Variants in GPD1L observed in about 807,000 individuals in gnomAD.
GPD1L encodes glycerol-3-phosphate dehydrogenase 1 like.
In GPD1L, 17 loss-of-function variants were observed where a neutral mutation model predicts 32.9. The ratio of observed to expected loss-of-function variants is 0.52; its 90% CI spans 0.35 to 0.78. GPD1L has a LOEUF of 0.78. Ranked by LOEUF, GPD1L falls within the 30% of genes least tolerant of loss-of-function variation. GPD1L has a pLI of 0.01. For synonymous variants in GPD1L, 187 were observed against 165.9 expected (o/e 1.13, Z -0.98); for missense variants, 361 against 447.8 (o/e 0.81, Z 1.75).
chr3:32,139,169 A>G (rs1039312363), intron 3 of GPD1L, among the ~76,000 whole-genome samples: 1 of 152,206 alleles, frequency 6.6e-6, no homozygotes, highest in Admixed American at 6.5e-5. Flanking sequence ...GTGGAAAAAA[A>G]TCCTTGCATT....
At chr3:32,162,873 C>T (rs1398416818) in intron 7 of GPD1L, among the ~76,000 whole-genome samples, 2 of 152,042 alleles carry the variant, frequency 1.3e-5, no homozygotes, top group Non-Finnish European at 2.9e-5. Context: ...ATTCTCTTGC[C>T]TCAGCCTCTC....
At chr3:32,127,958 G>T (rs1575111484) in intron 1 of GPD1L, 118 bp from the exon 2 acceptor site, 2 of 766,904 alleles carry the variant, frequency 2.6e-6, no homozygotes, top group Non-Finnish European at 4.5e-6. Context: ...GTCACATCTT[G>T]AGTAGGCTCA....
chr3:32,113,935 C>T (rs1453625423), intron 1 of GPD1L, among the ~76,000 whole-genome samples: 1 of 152,138 alleles, frequency 6.6e-6, no homozygotes, highest in East Asian at 1.9e-4. Flanking sequence ...TGCATTGCAG[C>T]CTCAACCTCC....
At chr3:32,154,511 A>G (rs1396470288) in intron 5 of GPD1L, among the ~76,000 whole-genome samples, 1 of 151,186 alleles carries the variant, frequency 6.6e-6, no homozygotes, top group African/African-American at 2.4e-5. Context: ...TCTCATCTGG[A>G]CTCTGCGGTG....
chr3:32,153,266 G>C (rs1029056626), intron 5 of GPD1L, among the ~76,000 whole-genome samples: 1 of 152,154 alleles, frequency 6.6e-6, no homozygotes, highest in East Asian at 1.9e-4. Context: ...TGAGAGCAAG[G>C]CCTACATAAT....
chr3:32,136,548 C>T (rs1430576532), intron 2 of GPD1L, among the ~76,000 whole-genome samples: 1 of 152,130 alleles, frequency 6.6e-6, no homozygotes, highest in African/African-American at 2.4e-5. Flanking sequence ...TCCTCCACAC[C>T]TCCTGAAGGG....
intron 7 of GPD1L, among the ~76,000 whole-genome samples, chr3:32,161,069 T>A (rs945462711): frequency 6.6e-6 from 1 of 152,086 alleles, no homozygotes; most frequent in Non-Finnish European, 1.5e-5. Flanking sequence ...TCGTGGATGT[T>A]GTTGCTATTA....
intron 4 of GPD1L, among the ~76,000 whole-genome samples, chr3:32,143,324 C>T (rs1700774909): frequency 6.6e-6 from 1 of 152,200 alleles, no homozygotes; most frequent in Non-Finnish European, 1.5e-5. Context: ...TTCCTGGCCT[C>T]ATGGGATCCT....
chr3:32,127,446 T>C (rs1036856982), intron 1 of GPD1L, among the ~76,000 whole-genome samples: 23 of 152,156 alleles, frequency 1.5e-4, no homozygotes, highest in Admixed American at 5.9e-4. Context: ...GGAGGACAGA[T>C]GTTAACAAAT....
In GPD1L at chr3:32,106,890, C is replaced by T. The variant is rs1700172784; in HGVS notation, c.47+132C>T. ...CGCAGGGAGGCGGGGTGGGCGACCTCGTTGCTGGGCTGGGCACCGTGCGCC... is the reference window on the plus strand; with the variant it reads ...CGCAGGGAGGCGGGGTGGGCGACCTTGTTGCTGGGCTGGGCACCGTGCGCC... On this transcript the variant is annotated intron_variant, in intron 1 of 7. Coordinates refer to ENST00000282541, the MANE Select transcript of GPD1L (RefSeq NM_015141.4). The surrounding 1 kb of genome is among the most constrained non-coding windows in gnomAD (Gnocchi z 4.0). 2.1e-5 allele frequency: 17 copies of T among 808,758 alleles called. No individual in the cohort carries two copies. The highest frequency in any genetic ancestry group is 2.9e-5 in the Non-Finnish European group (17 of 582,344). 50.1% of individuals were successfully genotyped at this position (808,758 alleles called of 1,614,324 possible). A position where few individuals can be genotyped will look rare whatever the true frequency, so the allele number is the denominator to read the frequency against.
intron 5 of GPD1L, 131 bp from the exon 6 acceptor site, chr3:32,158,745 G>A: frequency 7.8e-6 from 12 of 1,532,432 alleles, no homozygotes; most frequent in East Asian, 2.4e-5. Context: ...AGCAGAGCCC[G>A]GCATTGAGTA....
intron 1 of GPD1L, among the ~76,000 whole-genome samples, chr3:32,125,019 C>T (rs774847760): frequency 1.2e-4 from 16 of 135,272 alleles, no homozygotes; most frequent in Admixed American, 4.2e-4. Flanking sequence ...CCTGCCTCCC[C>T]GCCACCCTTG....
chr3:32,121,114 G>A (rs953013139), intron 1 of GPD1L, among the ~76,000 whole-genome samples: 3 of 151,896 alleles, frequency 2.0e-5, no homozygotes, highest in Non-Finnish European at 2.9e-5. Flanking sequence ...TGCCCACCCC[G>A]TCCCTTCCTT....
At chr3:32,139,096 A>T (rs1444715243) in intron 3 of GPD1L, among the ~76,000 whole-genome samples, 1 of 152,122 alleles carries the variant, frequency 6.6e-6, no homozygotes, top group Non-Finnish European at 1.5e-5. Context: ...TTTAACCAGA[A>T]CTCCATGAAC....
chr3:32,155,369 G>A (rs75749812), intron 5 of GPD1L, among the ~76,000 whole-genome samples: 5,798 of 152,252 alleles, frequency 0.038, 360 homozygotes, highest in African/African-American at 0.13. Context: ...TGGGCTGGCT[G>A]AAGGCACGTA....
At position 32,165,839 on chromosome 3, in the gene GPD1L, C is replaced by A; in HGVS notation, c.985C>A (p.Gln329Lys). ...DKFPLFTAVY[Q>K]ICYESRPVQE... ...GTTTCCATTGTTTACTGCAGTGTAT[C>A]AGATCTGCTACGAAAGCAGACCAGT... Residue 329 changes from glutamine (Q) to lysine (K), a missense_variant, in exon 8 of 8, where the codon CAG (glutamine) becomes AAG (lysine). Physicochemically the swap from Gln to Lys is moderately conservative, Grantham distance 53. Coordinates refer to ENST00000282541, the MANE Select transcript of GPD1L (RefSeq NM_015141.4). 6.2e-7 allele frequency: 1 copy of A among 1,605,386 alleles called. No homozygotes were observed. The highest frequency in any genetic ancestry group is 8.5e-7 in the Non-Finnish European group (1 of 1,172,020).
chr3:32,148,002 T>C (rs1575118510), intron 5 of GPD1L, among the ~76,000 whole-genome samples: 1 of 152,228 alleles, frequency 6.6e-6, no homozygotes, highest in Non-Finnish European at 1.5e-5. Flanking sequence ...TGCATTAGCA[T>C]TACATTACAT....
At chr3:32,158,582 A>C in intron 5 of GPD1L, 1 of 558,044 alleles carries the variant, frequency 1.8e-6, no homozygotes, top group East Asian at 3.1e-5. Context: ...AGTTTGTCCA[A>C]ACATTATTTA....
At chr3:32,125,475 G>T (rs1700493160) in intron 1 of GPD1L, among the ~76,000 whole-genome samples, 1 of 152,090 alleles carries the variant, frequency 6.6e-6, no homozygotes, top group Non-Finnish European at 1.5e-5. Context: ...TTCTCAGCGG[G>T]GTTTGGTCTT....
Sources: gnomAD v4.1 joint callset for allele counts (sites outside exome capture counted in the v4.1 genomes callset) on GRCh38, gnomAD v4.1.1 for gene constraint, Gnocchi (gnomAD v3.1) non-coding constraint, MANE v1.5 for transcripts, NCBI Gene and HGNC (gene_info 2026-07-23, HGNC 2026-07-21) for gene names.